The following RAB37 variants were observed in gnomAD, a reference collection of about 807,000 sequenced individuals.
RAB37 encodes ras-related protein Rab-37.
A neutral mutation model predicts 33.1 loss-of-function variants in RAB37; 29 were observed. The ratio of observed to expected loss-of-function variants is 0.88; its 90% CI spans 0.65 to 1.20. The LOEUF (loss-of-function observed/expected upper bound fraction) is 1.20. Among genes scored for constraint, RAB37 ranks in the 50% most tolerant of loss-of-function variants. The pLI is 0.00. For missense variants in RAB37, 299 were observed against 301.1 expected (o/e 0.99, Z 0.05); for synonymous variants, 128 against 119.5 (o/e 1.07, Z -0.47).
intron 1 of RAB37, among the ~76,000 whole-genome samples, chr17:74,673,493 T>C (rs945427868): frequency 6.7e-6 from 1 of 149,950 alleles, no homozygotes; most frequent in African/African-American, 2.5e-5. Flanking sequence ...ACTAGATATG[T>C]GGGTCTCTCC....
At chr17:74,698,502 C>T (rs944782467) in intron 1 of RAB37, 10 of 1,600,052 alleles carry the variant, frequency 6.2e-6, no homozygotes, top group Non-Finnish European at 6.8e-6. Flanking sequence ...TGGCAAGCGT[C>T]CCCTGCATCC....
At chr17:74,740,375 C>T (rs111784321) in intron 1 of RAB37, among the ~76,000 whole-genome samples, 3,759 of 152,190 alleles carry the variant, frequency 0.025, 152 homozygotes, top group East Asian at 0.16. Flanking sequence ...CACGAGCGGA[C>T]GATGGATGAC....
rs1459249719 is a variant in RAB37 at position 74,689,596 on chromosome 17, CT to C, written c.72+17941del. Among the ~76,000 whole-genome samples, 9 of 152,278 alleles carry C rather than the reference CT, an allele frequency of 5.9e-5. No individual in the cohort carries two copies. In the East Asian group the frequency reaches 1.5e-3, roughly 26 times the overall value. On this transcript the variant is annotated intron_variant, in intron 1 of 7. Coordinates refer to the RAB37 transcript ENST00000340415. ...ACCTACTTGGTTCAGACATATTTGA[CT>C]TTGGCAAAGAAAACTGAAAAGCTAA...
Position 74,745,307 on chromosome 17 carries a change from G to A in RAB37, c.568G>A (p.Glu190Lys), listed in dbSNP as rs775475701. ...VELAFLAIAK[E>K]LKYRAGHQAD... Reference sequence around the variant, plus strand: ...CCAGCCCATTGTCTCTTCTTCAAGGGAACTGAAATACCGGGCCGGGCATCA... The same window carrying A: ...CCAGCCCATTGTCTCTTCTTCAAGGAAACTGAAATACCGGGCCGGGCATCA... Residue 190 changes from glutamate to lysine, a missense_variant and splice_region_variant, in exon 9 of 9, where the codon GAA becomes AAA. By Grantham distance (56) the Glu-to-Lys change is moderately conservative (BLOSUM62 1). Transcript: ENST00000392613. The surrounding 1 kb of genome is among the most constrained non-coding windows in gnomAD (Gnocchi z 4.5). The A allele has an allele frequency of 6.2e-7, 1 of 1,613,882 alleles. No individual in the cohort carries two copies. The highest frequency in any genetic ancestry group is 1.1e-5 in the South Asian group (1 of 91,078).
At chr17:74,692,642 TC>T (rs1270835933) in intron 1 of RAB37, among the ~76,000 whole-genome samples, 1 of 151,346 alleles carries the variant, frequency 6.6e-6, no homozygotes, top group Non-Finnish European at 1.5e-5. Flanking sequence ...CTCCCTACAA[TC>T]CCCCCATCCA....
intron 1 of RAB37, among the ~76,000 whole-genome samples, chr17:74,707,709 C>A: frequency 1.4e-5 from 2 of 145,024 alleles, no homozygotes; most frequent in Non-Finnish European, 1.5e-5. Context: ...AGTGAGACTC[C>A]ATCTCAGAAA....
chr17:74,744,298 T>C lies in RAB37; in HGVS notation c.367-10T>C. ...AAGAGAATGCCAGTCTCGCACGCCC[T>C]CTCCCACAGGCCTGGCTCACTGAGA... On this transcript the variant is annotated splice_polypyrimidine_tract_variant and intron_variant, in intron 5 of 8. Coordinates refer to ENST00000392613, the MANE Select transcript of RAB37 (RefSeq NM_001006638.3). This position sits in a 1 kb window ranked among gnomAD's most constrained non-coding sequence, Gnocchi z 4.2. 4 of 1,611,798 alleles carry C rather than the reference T, an allele frequency of 2.5e-6. No homozygotes were observed. Among genetic ancestry groups the C allele is most frequent in the Middle Eastern group, 3.3e-4 (2 of 6,052 alleles).
intron 1 of RAB37, among the ~76,000 whole-genome samples, chr17:74,701,243 A>G (rs1197113304): frequency 6.6e-6 from 1 of 152,156 alleles, no homozygotes; most frequent in Non-Finnish European, 1.5e-5. Context: ...AATTGTGTCA[A>G]CCCTATTTGG....
intron 1 of RAB37, chr17:74,698,614 C>T: frequency 6.7e-7 from 1 of 1,494,204 alleles, no homozygotes. Context: ...GCCTGGGAAC[C>T]CTCACTCCTG....
chr17:74,738,974 A>G lies in RAB37; in HGVS notation c.93+1609A>G, dbSNP rs1046341092. On this transcript the variant is annotated intron_variant, in intron 1 of 8. Coordinates refer to ENST00000392613, the MANE Select transcript of RAB37 (RefSeq NM_001006638.3). The surrounding 1 kb of genome is among the most constrained non-coding windows in gnomAD (Gnocchi z 5.0). ...TCCCTCCTCCTTCTACCCACTATGG[A>G]AACCATGCCACAGAAAGGTTAAGGA... 2.6e-5 allele frequency among the ~76,000 whole-genome samples: 4 copies of G among 152,204 alleles called. No homozygotes were observed. The highest frequency in any genetic ancestry group is 5.9e-5 in the Non-Finnish European group (4 of 68,036).
intron 1 of RAB37, among the ~76,000 whole-genome samples, chr17:74,687,116 T>G (rs1197603543): frequency 6.6e-6 from 1 of 152,208 alleles, no homozygotes; most frequent in Non-Finnish European, 1.5e-5. Flanking sequence ...TCCCCTCCCT[T>G]AATTCTGAGC....
At chr17:74,723,564 C>T (rs1196359450) in intron 1 of RAB37, among the ~76,000 whole-genome samples, 4 of 148,288 alleles carry the variant, frequency 2.7e-5, no homozygotes, top group Admixed American at 1.3e-4. Flanking sequence ...GTCTGAACCA[C>T]AATTAACTAA....
intron 1 of RAB37, among the ~76,000 whole-genome samples, chr17:74,722,103 G>A (rs2034249680): frequency 6.6e-6 from 1 of 151,962 alleles, no homozygotes; most frequent in Admixed American, 6.6e-5. Flanking sequence ...AGACCACAGT[G>A]AAACCCCATC....
intron 2 of RAB37, among the ~76,000 whole-genome samples, chr17:74,741,947 G>T (rs1486437253): frequency 3.3e-5 from 5 of 152,176 alleles, no homozygotes; most frequent in African/African-American, 1.2e-4. Context: ...AAAAGGGCAG[G>T]GCCTCCAGCA....
chr17:74,724,734 C>T (rs1406760375), intron 1 of RAB37, among the ~76,000 whole-genome samples: 1 of 152,120 alleles, frequency 6.6e-6, no homozygotes, highest in Non-Finnish European at 1.5e-5. Flanking sequence ...TAGAAAAGAA[C>T]CTTCTTAAGG....
chr17:74,744,681 A>C lies in RAB37; in HGVS notation c.433-192A>C, dbSNP rs2034708057. On this transcript the variant is annotated intron_variant, in intron 6 of 8. Coordinates refer to ENST00000392613, the MANE Select transcript of RAB37 (RefSeq NM_001006638.3). This position sits in a 1 kb window ranked among gnomAD's most constrained non-coding sequence, Gnocchi z 4.2. The stretch of plus-strand genomic sequence containing the variant: ...GCCCCAACTGCTGTCCTATTCCAAG[A>C]CCCTTTACCAAAGGTGAGATCCCAG... 3 of 679,816 alleles carry C rather than the reference A, an allele frequency of 4.4e-6. No individual in the cohort carries two copies. The highest frequency in any genetic ancestry group is 5.1e-6 in the Non-Finnish European group (2 of 391,450). 42.1% of individuals were successfully genotyped at this position (679,816 alleles called of 1,614,324 possible).
At chr17:74,718,587 G>T (rs115048313) in intron 1 of RAB37, among the ~76,000 whole-genome samples, 1 of 152,080 alleles carries the variant, frequency 6.6e-6, no homozygotes, top group African/African-American at 2.4e-5. Context: ...AAAAACAAGC[G>T]TTTGTTCAGC....
rs2034369267 is a variant in RAB37 at position 74,730,345 on chromosome 17, A to AAG, written c.183+988_183+989dup. On this transcript the variant is annotated intron_variant, in intron 2 of 7. Coordinates refer to the RAB37 transcript ENST00000340415. This position sits in a 1 kb window ranked among gnomAD's most constrained non-coding sequence, Gnocchi z 4.4. ...GACGCAGCAGTGCCACACTGATGGG[A>AAG]AGAGAGAGAGGAAAACTCAGAAAAA... 6.6e-6 allele frequency among the ~76,000 whole-genome samples: 1 copy of AAG among 152,138 alleles called. No individual in the cohort carries two copies. The highest frequency in any genetic ancestry group is 1.5e-5 in the Non-Finnish European group (1 of 68,020).
rs1319288996 is a variant in RAB37 at position 74,676,382 on chromosome 17, G to C, written c.72+4724G>C. Among the ~76,000 whole-genome samples, 3 of 152,188 alleles carry C rather than the reference G, an allele frequency of 2.0e-5. No individual in the cohort carries two copies. The East Asian group carries it at 5.8e-4, about 29-fold the overall frequency. The stretch of plus-strand genomic sequence containing the variant: ...GTGAGCTGCTCATCCATTCATCCAG[G>C]GCTTGGTTCTTCTTGGGTGAAAAGG... On this transcript the variant is annotated intron_variant, in intron 1 of 7. Transcript: ENST00000340415. This position sits in a 1 kb window ranked among gnomAD's most constrained non-coding sequence, Gnocchi z 4.1.
Sources: gnomAD v4.1 joint callset for allele counts (sites outside exome capture counted in the v4.1 genomes callset) on GRCh38, gnomAD v4.1.1 for gene constraint, Gnocchi (gnomAD v3.1) non-coding constraint, MANE v1.5 for transcripts, NCBI Gene and HGNC (gene_info 2026-07-23, HGNC 2026-07-21) for gene names.